Variants in FNDC3B observed in about 807,000 individuals in gnomAD.
FNDC3B encodes fibronectin type III domain-containing protein 3B.
In FNDC3B, 12 loss-of-function variants were observed where a neutral mutation model predicts 151.5. The observed-to-expected ratio is 0.08, with a 90% CI of 0.05 to 0.13. The LOEUF is 0.13. Among genes scored for constraint, FNDC3B ranks in the 10% least tolerant of loss-of-function variants. The pLI is 1.00. For missense variants in FNDC3B, 1,214 were observed against 1,505.3 expected, an observed-to-expected ratio of 0.81 and a Z score of 3.20; for synonymous variants, 528 against 549.0, an observed-to-expected ratio of 0.96 and a Z score of 0.54.
intron 16 of FNDC3B, among the ~76,000 whole-genome samples, chr3:172,339,769 T>C (rs516836): frequency 0.96 from 145,579 of 152,278 alleles, 69,646 homozygotes; most frequent in East Asian, 1. Context: ...AACAACTTTG[T>C]GACTGCATGG....
intron 25 of FNDC3B, among the ~76,000 whole-genome samples, chr3:172,393,657 G>T (rs895127395): frequency 6.6e-6 from 1 of 152,116 alleles, no homozygotes; most frequent in African/African-American, 2.4e-5. Flanking sequence ...TCAGACCACA[G>T]TGTTAAGAAA....
At chr3:172,298,041 C>T (rs1437534589) in intron 8 of FNDC3B, among the ~76,000 whole-genome samples, 1 of 152,194 alleles carries the variant, frequency 6.6e-6, no homozygotes, top group African/African-American at 2.4e-5. Context: ...TGTCATGTCT[C>T]TTTAGCCTTC....
intron 6 of FNDC3B, among the ~76,000 whole-genome samples, chr3:172,284,247 T>C (rs541486902): frequency 6.6e-6 from 1 of 152,212 alleles, no homozygotes; most frequent in Admixed American, 6.5e-5. Context: ...GCCCACAAAC[T>C]AAGAGGTTGT....
intron 1 of FNDC3B, among the ~76,000 whole-genome samples, chr3:172,041,172 C>T (rs973580162): frequency 2.0e-5 from 3 of 152,116 alleles, no homozygotes; most frequent in African/African-American, 7.2e-5. Flanking sequence ...TTCTAGTCCC[C>T]CCTCCCCCTC....
At chr3:172,167,890 C>G (rs762861352) in intron 3 of FNDC3B, among the ~76,000 whole-genome samples, 1 of 152,162 alleles carries the variant, frequency 6.6e-6, no homozygotes, top group Non-Finnish European at 1.5e-5. Flanking sequence ...GCCCTGCCAC[C>G]GCATCACATC....
At chr3:172,149,180 C>T (rs1722083509) in intron 3 of FNDC3B, among the ~76,000 whole-genome samples, 1 of 152,142 alleles carries the variant, frequency 6.6e-6, no homozygotes, top group Non-Finnish European at 1.5e-5. Flanking sequence ...TTCCACAGAC[C>T]CTTTGTTATG....
chr3:172,271,766 G>A (rs2108804360), intron 6 of FNDC3B, among the ~76,000 whole-genome samples: 1 of 152,244 alleles, frequency 6.6e-6, no homozygotes, highest in South Asian at 2.1e-4. Context: ...AACGTTCAGT[G>A]CAAGGCAGAG....
intron 3 of FNDC3B, chr3:172,187,089 G>T (rs1041209817): frequency 3.9e-5 from 9 of 229,180 alleles, no homozygotes; most frequent in African/African-American, 2.1e-4. Context: ...CCTTGCCCTT[G>T]AGAAGTCCTT....
At position 172,340,123 on chromosome 3, in the gene FNDC3B, G is replaced by T. The variant is rs144682934; in HGVS notation, c.1853-990G>T. Among the ~76,000 whole-genome samples, 1,099 of 152,324 alleles carry T rather than the reference G, an allele frequency of 7.2e-3. 17 individuals are homozygous for T. The highest frequency in any genetic ancestry group is 0.024 in the African/African-American group (1,013 of 41,564). ...TGGCCTGGAATTGTGAGTCAGGCAG[G>T]CGGCTGAGGCAGCCCTGGGTGCCCT... On this transcript the variant is annotated intron_variant, in intron 16 of 25. Coordinates refer to ENST00000415807, the MANE Select transcript of FNDC3B (RefSeq NM_022763.4).
chr3:172,220,471 G>GTTTTCA (rs1238531304), intron 3 of FNDC3B, among the ~76,000 whole-genome samples: 1 of 152,046 alleles, frequency 6.6e-6, no homozygotes, highest in Non-Finnish European at 1.5e-5. Flanking sequence ...TATAGGATGT[G>GTTTTCA]TTTTCATTTT....
chr3:172,319,933 G>A (rs76273197), intron 11 of FNDC3B, among the ~76,000 whole-genome samples: 212 of 152,236 alleles, frequency 1.4e-3, no homozygotes, highest in African/African-American at 4.9e-3. Flanking sequence ...ACAGAGAATG[G>A]CCAGCCCAGA....
At chr3:172,167,135 C>T (rs1723043979) in intron 3 of FNDC3B, among the ~76,000 whole-genome samples, 1 of 152,192 alleles carries the variant, frequency 6.6e-6, no homozygotes, top group African/African-American at 2.4e-5. Context: ...TTGGCTCACG[C>T]CTATAATCCA....
chr3:172,307,520 C>A lies in FNDC3B; in HGVS notation c.1200+19C>A, dbSNP rs1267604471. 1 of 1,613,530 alleles carries A rather than the reference C, an allele frequency of 6.2e-7. No homozygotes were observed. Among genetic ancestry groups the A allele is most frequent in the Non-Finnish European group, 8.5e-7 (1 of 1,179,604 alleles). On this transcript the variant is annotated intron_variant, in intron 10 of 25. Transcript: ENST00000415807. ...GTGGAAGGTGGGTAGCTCAAAGCAT[C>A]AAGAATCGTCTCAATTTAAAAATTA... is the stretch of plus-strand genomic sequence containing the variant.
chr3:172,341,235 G>T lies in FNDC3B; in HGVS notation c.1971+4G>T. 6.2e-7 allele frequency: 1 copy of T among 1,609,310 alleles called. No homozygotes were observed. The highest frequency in any genetic ancestry group is 1.1e-5 in the South Asian group (1 of 90,972). ...CAGTACCGGCGGACACAGCCAGGTT[G>T]GTTTTGTTTCCATATGAAAGTAAAC... On this transcript the variant is annotated splice_donor_region_variant and intron_variant, in intron 17 of 25. Coordinates refer to ENST00000415807, the MANE Select transcript of FNDC3B (RefSeq NM_022763.4).
intron 1 of FNDC3B, among the ~76,000 whole-genome samples, chr3:172,075,153 A>G (rs1208167167): frequency 6.6e-6 from 1 of 152,152 alleles, no homozygotes; most frequent in Non-Finnish European, 1.5e-5. Flanking sequence ...TTATCTTTTT[A>G]TCTTGATAAT....
chr3:172,291,782 A>G (rs75798289), intron 7 of FNDC3B, among the ~76,000 whole-genome samples: 1,928 of 152,280 alleles, frequency 0.013, 22 homozygotes, highest in African/African-American at 0.023. Flanking sequence ...ACAAACAGCC[A>G]TGGTGATCAC....
chr3:172,101,549 C>A (rs1014068860), intron 1 of FNDC3B, among the ~76,000 whole-genome samples: 1 of 152,078 alleles, frequency 6.6e-6, no homozygotes, highest in Non-Finnish European at 1.5e-5. Context: ...TCAGCTAGGT[C>A]CTTCTTTTGG....
At chr3:172,182,303 G>T (rs984884891) in intron 3 of FNDC3B, among the ~76,000 whole-genome samples, 8 of 152,296 alleles carry the variant, frequency 5.3e-5, no homozygotes, top group Non-Finnish European at 1.2e-4. Flanking sequence ...TCAGGCTGGT[G>T]GCTGTCCGGG....
intron 1 of FNDC3B, among the ~76,000 whole-genome samples, chr3:172,104,060 C>T (rs1446155680): frequency 6.6e-6 from 1 of 152,194 alleles, no homozygotes; most frequent in African/African-American, 2.4e-5. Context: ...GCACTGTGTG[C>T]TCAATACATT....
Sources: allele counts gnomAD v4.1 joint callset (sites outside exome capture counted in the v4.1 genomes callset), GRCh38; gene constraint gnomAD v4.1.1; transcripts MANE v1.5; gene names NCBI Gene and HGNC (gene_info 2026-07-23, HGNC 2026-07-21).